Variants in POLR2F observed in about 807,000 individuals in gnomAD.
POLR2F encodes the protein RNA polymerase II, I and III subunit F.
POLR2F carries 12 observed loss-of-function variants against 22.7 expected under a neutral mutation model. The ratio of observed to expected loss-of-function variants is 0.53; its 90% confidence interval spans 0.34 to 0.86. The LOEUF is 0.86. POLR2F is among the 40% of genes least tolerant of loss of function. POLR2F has a pLI of 0.02. For missense variants in POLR2F, 126 were observed against 171.5 expected (o/e 0.73, Z 1.48); for synonymous variants, 57 against 66.0 (o/e 0.86, Z 0.66).
At chr22:37,967,053 C>A in intron 3 of POLR2F, 46 bp from the exon 4 acceptor site, 1 of 1,443,240 alleles carries the variant, frequency 6.9e-7, no homozygotes, top group Admixed American at 2.2e-5. Context: ...TTGGGCCCTT[C>A]TCCCTGGGTT....
intron 1 of POLR2F, among the ~76,000 whole-genome samples, chr22:37,955,177 T>C (rs1247341124): frequency 6.7e-6 from 1 of 150,360 alleles, no homozygotes; most frequent in Admixed American, 6.7e-5. Flanking sequence ...ATTAGGGCTA[T>C]AGGGGGAGAG....
At chr22:37,985,846 CACACACAT>C (rs1193065348), upstream of POLR2F, among the ~76,000 whole-genome samples, 3 of 151,632 alleles carry the variant, frequency 2.0e-5, no homozygotes, top group Non-Finnish European at 2.9e-5. Context: ...CACACACACA[CACACACAT>C]GCTCACACAC....
At chr22:37,991,260 G>A (rs1006646142) in intron 1 of POLR2F, among the ~76,000 whole-genome samples, 15 of 152,078 alleles carry the variant, frequency 9.9e-5, no homozygotes, top group African/African-American at 2.4e-4. Flanking sequence ...GGACACTACC[G>A]GCGCATGCCA....
Position 37,964,390 on chromosome 22 carries a change from G to T in POLR2F, c.222-2709G>T, listed in dbSNP as rs554070755. On this transcript the variant is annotated intron_variant, in intron 3 of 4. Transcript: ENST00000442738. Reference sequence around the variant, plus strand: ...AGGCAGTTGTGGATTTGTGATGAGGGATCATAAGCAGCTTGGGGCATAAGG... The same window carrying T: ...AGGCAGTTGTGGATTTGTGATGAGGTATCATAAGCAGCTTGGGGCATAAGG... Among the ~76,000 whole-genome samples the T allele has an allele frequency of 1.2e-3, 178 of 152,078 alleles. 2 individuals are homozygous for T. The highest frequency in any genetic ancestry group is 4.1e-3 in the African/African-American group (169 of 41,502).
At chr22:38,021,598 A>G (rs760759148) in intron 1 of POLR2F, among the ~76,000 whole-genome samples, 13 of 152,092 alleles carry the variant, frequency 8.5e-5, no homozygotes, top group Non-Finnish European at 1.8e-4. Context: ...CTGGGATTAC[A>G]GGCACGCGCC....
Position 37,977,796 on chromosome 22 carries a change from T to C in POLR2F, c.293+10626T>C, listed in dbSNP as rs1247826707. The C allele has an allele frequency of 2.5e-5, 37 of 1,508,432 alleles. 1 individual carries two copies. Among genetic ancestry groups the C allele is most frequent in the South Asian group, 1.6e-4 (13 of 82,732 alleles). 93.4% of individuals were successfully genotyped at this position (1,508,432 alleles called of 1,614,324 possible). ...GCTCTCCCTAGAGTCCAGGGTCTCA[T>C]TGCCATCCAGCCATCTCCTGTCTCC... On this transcript the variant is annotated intron_variant, in intron 4 of 4. Transcript: ENST00000405557.
At chr22:37,990,318 G>A (rs1356943869) in intron 1 of POLR2F, among the ~76,000 whole-genome samples, 1 of 152,234 alleles carries the variant, frequency 6.6e-6, no homozygotes, top group Non-Finnish European at 1.5e-5. Flanking sequence ...CCCGGGGTTG[G>A]AATCTTCCTT....
At chr22:38,014,444 G>C (rs138691906) in intron 1 of POLR2F, among the ~76,000 whole-genome samples, 3 of 150,618 alleles carry the variant, frequency 2.0e-5, no homozygotes, top group Non-Finnish European at 4.4e-5. Flanking sequence ...TCTGCCTCCT[G>C]GGTTCAAGTG....
downstream of POLR2F, among the ~76,000 whole-genome samples, chr22:38,029,415 C>T (rs773633745): frequency 1.3e-5 from 2 of 152,148 alleles, no homozygotes; most frequent in South Asian, 2.1e-4. Flanking sequence ...GGCTCTGTCT[C>T]CTCTGGCTAT....
At chr22:37,962,911 C>T (rs1423412986) in intron 3 of POLR2F, among the ~76,000 whole-genome samples, 2 of 151,760 alleles carry the variant, frequency 1.3e-5, no homozygotes, top group African/African-American at 4.8e-5. Flanking sequence ...AGGATGGTCT[C>T]GATCTCCTGA....
chr22:37,964,110 TA>T (rs112506177), intron 3 of POLR2F, among the ~76,000 whole-genome samples: 5,463 of 139,818 alleles, frequency 0.039, 306 homozygotes, highest in African/African-American at 0.13. Context: ...CAAAAATAAT[TA>T]AAAAAAAAAA....
chr22:37,985,166 C>A (rs909298857), upstream of POLR2F: 2 of 152,348 alleles, frequency 1.3e-5, no homozygotes, highest in Non-Finnish European at 2.9e-5. Flanking sequence ...CCAGCACACG[C>A]GCGTTCTGGT....
In POLR2F at chr22:38,018,850, C is replaced by A. The variant is rs529080226; in HGVS notation, c.121-7019C>A. 7.3e-4 allele frequency among the ~76,000 whole-genome samples: 111 copies of A among 152,142 alleles called. 1 individual carries two copies. The highest frequency in any genetic ancestry group is 3.7e-4 in the Non-Finnish European group (25 of 67,976). On this transcript the variant is annotated intron_variant, in intron 1 of 2. Transcript: ENST00000333418. ...CATGGGAGGAGGCCAGTGTGTGGTG[C>A]GGGAGAGCTGGGGAGGCTGGGGTCA... is the stretch of plus-strand genomic sequence containing the variant.
upstream of POLR2F, among the ~76,000 whole-genome samples, chr22:37,985,812 C>G (rs1932552478): frequency 8.7e-6 from 1 of 114,844 alleles, no homozygotes; most frequent in Non-Finnish European, 1.8e-5. Flanking sequence ...GGGGAGCAGA[C>G]ACTGGAACAC....
Position 38,008,597 on chromosome 22 carries a change from C to G in POLR2F, c.121-17272C>G, listed in dbSNP as rs1387669705. On this transcript the variant is annotated intron_variant, in intron 1 of 2. Transcript: ENST00000333418. Reference sequence around the variant, plus strand: ...ACAACAAAACATTAAAAAAGCCAGGCGCGGTGGCTCAGGCCTGTACTCCCA... The same window carrying G: ...ACAACAAAACATTAAAAAAGCCAGGGGCGGTGGCTCAGGCCTGTACTCCCA... 2.0e-5 allele frequency among the ~76,000 whole-genome samples: 3 copies of G among 150,350 alleles called. No homozygotes were observed. The East Asian group carries it at 5.9e-4, about 30-fold the overall frequency.
At chr22:37,995,294 A>G (rs1028897758) in intron 1 of POLR2F, among the ~76,000 whole-genome samples, 8 of 152,206 alleles carry the variant, frequency 5.3e-5, no homozygotes, top group African/African-American at 1.4e-4. Flanking sequence ...CAGATGCTCA[A>G]TAAGTGCTTG....
At position 37,980,302 on chromosome 22, in the gene POLR2F, G is replaced by A. The variant is rs1235396765; in HGVS notation, c.293+13132G>A. On this transcript the variant is annotated intron_variant, in intron 4 of 4. Transcript: ENST00000405557. This position sits in a 1 kb window ranked among gnomAD's most constrained non-coding sequence, Gnocchi z 4.1. The stretch of plus-strand genomic sequence containing the variant: ...CCGCCAGCAGTGGACCCCAACAGAG[G>A]GGCTTCTGGGATGGCTGGGGACATG... Among the ~76,000 whole-genome samples, 1 of 152,026 alleles carries A rather than the reference G, an allele frequency of 6.6e-6. No individual in the cohort carries two copies. The highest frequency in any genetic ancestry group is 2.4e-5 in the African/African-American group (1 of 41,380).
intron 4 of POLR2F, among the ~76,000 whole-genome samples, chr22:37,979,341 A>C (rs1197824896): frequency 6.7e-6 from 1 of 148,576 alleles, no homozygotes; most frequent in East Asian, 2.0e-4. Flanking sequence ...CAGGTGATCC[A>C]CCCGCCTTGG....
At position 38,016,384 on chromosome 22, in the gene POLR2F, A is replaced by G. The variant is rs1418174985; in HGVS notation, c.121-9485A>G. ...CCACCAGCCGTCCCTGGGATGCTCCAGGAAGTGCTGCGCTTGACACACGCC... is the reference window on the plus strand; with the variant it reads ...CCACCAGCCGTCCCTGGGATGCTCCGGGAAGTGCTGCGCTTGACACACGCC... On this transcript the variant is annotated intron_variant, in intron 1 of 2. Transcript: ENST00000333418. This position sits in a 1 kb window ranked among gnomAD's most constrained non-coding sequence, Gnocchi z 4.4. Among the ~76,000 whole-genome samples the G allele has an allele frequency of 4.6e-5, 7 of 152,246 alleles. No individual in the cohort carries two copies. The East Asian group carries it at 1.3e-3, about 29-fold the overall frequency.
Sources: allele counts gnomAD v4.1 joint callset (sites outside exome capture counted in the v4.1 genomes callset), GRCh38; gene constraint gnomAD v4.1.1; non-coding constraint Gnocchi (gnomAD v3.1); transcripts MANE v1.5; gene names NCBI Gene and HGNC (gene_info 2026-07-23, HGNC 2026-07-21).